The following ZNF277 variants were observed in gnomAD, a reference collection of about 807,000 sequenced individuals.
ZNF277 encodes nuclear receptor-interacting factor 4.
In ZNF277, 55 loss-of-function variants were observed where a neutral mutation model predicts 60.7. That is an observed-to-expected ratio of 0.91 (90% CI 0.73 to 1.13). The LOEUF (loss-of-function observed/expected upper bound fraction) is 1.13, where lower values mean the gene tolerates loss of function less well. Ranked by LOEUF, ZNF277 falls within the 50% of genes most tolerant of loss-of-function variation. The pLI is 0.00. For synonymous variants in ZNF277, 178 were observed against 179.3 expected (o/e 0.99, Z 0.06); for missense variants, 510 against 523.0 (o/e 0.98, Z 0.24).
In ZNF277 at chr7:112,340,951, T is replaced by C. The variant is rs574459797; in HGVS notation, c.1089T>C (p.His363=). The stretch of plus-strand genomic sequence containing the variant: ...ACCAATGCAGATGTTATGGCTGCCA[T>C]GTGAAGTTCAAATCCAAAGCAGACT... ...QVHQCRCYGC[H]VKFKSKADLR... The change falls in exon 11 of 12, where the codon CAT becomes CAC. Residue 363 remains histidine, a synonymous_variant. Coordinates refer to ENST00000361822, the MANE Select transcript of ZNF277 (RefSeq NM_021994.3). 307 of 1,613,110 alleles carry C rather than the reference T, an allele frequency of 1.9e-4. 2 individuals are homozygous for C. In the Middle Eastern group the frequency reaches 4.0e-3, roughly 21 times the overall value.
At chr7:112,271,272 C>G (rs1006202360) in intron 1 of ZNF277, among the ~76,000 whole-genome samples, 2 of 151,912 alleles carry the variant, frequency 1.3e-5, no homozygotes, top group African/African-American at 4.8e-5. Flanking sequence ...AATTTAATAC[C>G]GTATCCAAAA....
At chr7:112,320,950 C>G (rs1792967054) in intron 5 of ZNF277, among the ~76,000 whole-genome samples, 1 of 107,956 alleles carries the variant, frequency 9.3e-6, no homozygotes, top group African/African-American at 3.7e-5. Flanking sequence ...GAGATGGAGT[C>G]TCACTCTGTC....
Position 112,206,764 on chromosome 7 carries a change from C to T in ZNF277, c.48C>T (p.Asp16=), listed in dbSNP as rs1302956497. 3 of 1,612,950 alleles carry T rather than the reference C, an allele frequency of 1.9e-6. No homozygotes were observed. In the African/African-American group the frequency reaches 4.0e-5, roughly 22 times the overall value. Residue 16 remains aspartate, a synonymous_variant, in exon 1 of 12, where the codon GAC becomes GAT. Coordinates refer to ENST00000361822, the MANE Select transcript of ZNF277 (RefSeq NM_021994.3). ...GGGCTGTCGCCCGAATGCAGGAAGA[C>T]CGTGATGGGAGCTGCAGCACAGTCG... ...TQGAVARMQE[D]RDGSCSTVGG...
Position 112,339,863 on chromosome 7 carries a change from T to G in ZNF277, c.987T>G (p.Leu329=), listed in dbSNP as rs775356561. The G allele has an allele frequency of 1.2e-6, 2 of 1,611,752 alleles. No individual in the cohort carries two copies. Among genetic ancestry groups the G allele is most frequent in the East Asian group, 4.5e-5 (2 of 44,862 alleles). Residue 329 remains leucine (L), a synonymous_variant, in exon 10 of 12, where the codon CTT becomes CTG. Transcript: ENST00000361822. The part of the protein sequence containing the change: ...VHMEDAHEFD[L]LKIKSELGLN... Reference sequence around the variant, plus strand: ...TTTAGGATGCACACGAATTTGATCTTCTCAAAATAAAGTCAGAACTTGGTA... The same window carrying G: ...TTTAGGATGCACACGAATTTGATCTGCTCAAAATAAAGTCAGAACTTGGTA...
intron 1 of ZNF277, among the ~76,000 whole-genome samples, chr7:112,281,311 A>G (rs1247778685): frequency 6.6e-6 from 1 of 152,114 alleles, no homozygotes; most frequent in Non-Finnish European, 1.5e-5. Flanking sequence ...ATAAAACTCA[A>G]ATTTGGAAAC....
intron 1 of ZNF277, among the ~76,000 whole-genome samples, chr7:112,257,213 T>C (rs1397411045): frequency 1.3e-5 from 2 of 152,216 alleles, no homozygotes; most frequent in East Asian, 3.8e-4. Context: ...TTTGTTTCCA[T>C]AGTTATTCTT....
intron 1 of ZNF277, among the ~76,000 whole-genome samples, chr7:112,208,596 C>CTTTT (rs774920648): frequency 9.1e-6 from 1 of 109,516 alleles, no homozygotes; most frequent in Non-Finnish European, 2.0e-5. Flanking sequence ...TCTTCTTCTT[C>CTTTT]TTTTTTTTTT....
intron 4 of ZNF277, among the ~76,000 whole-genome samples, chr7:112,307,557 G>A (rs1403636999): frequency 6.6e-6 from 1 of 151,882 alleles, no homozygotes; most frequent in Non-Finnish European, 1.5e-5. Flanking sequence ...TGGGATTATA[G>A]GCGTGCACCA....
At position 112,265,672 on chromosome 7, in the gene ZNF277, A is replaced by G. The variant is rs540323777; in HGVS notation, c.92-21201A>G. ...ACAATAAAGTGAAGTATGCCTGTAT[A>G]TGAAGAAAAATCATCATAATGTTAA... On this transcript the variant is annotated intron_variant, in intron 1 of 11. Transcript: ENST00000361822. 3.3e-5 allele frequency among the ~76,000 whole-genome samples: 5 copies of G among 152,324 alleles called. No homozygotes were observed. The South Asian group carries it at 1.0e-3, about 32-fold the overall frequency.
intron 1 of ZNF277, among the ~76,000 whole-genome samples, chr7:112,266,182 G>C (rs73195225): frequency 0.047 from 7,132 of 151,580 alleles, 262 homozygotes; most frequent in South Asian, 0.13. Context: ...CACTCACTCT[G>C]TCACCCAGGC....
chr7:112,310,112 G>A lies in ZNF277; in HGVS notation c.466-8070G>A, dbSNP rs187239941. On this transcript the variant is annotated intron_variant, in intron 4 of 11. Coordinates refer to ENST00000361822, the MANE Select transcript of ZNF277 (RefSeq NM_021994.3). ...TAATTGATTAAGTCATTGGTCACAT[G>A]GTTGAGCTTGATCTCCAGCTCCCCT... Among the ~76,000 whole-genome samples the A allele has an allele frequency of 1.9e-3, 296 of 152,166 alleles. 5 individuals are homozygous for A. Among genetic ancestry groups the A allele is most frequent in the Non-Finnish European group, 1.8e-3 (119 of 67,980 alleles).
At chr7:112,276,804 C>T (rs1465559082) in intron 1 of ZNF277, among the ~76,000 whole-genome samples, 1 of 152,002 alleles carries the variant, frequency 6.6e-6, no homozygotes, top group African/African-American at 2.4e-5. Context: ...TTACATTTAC[C>T]AAGGGTATTT....
chr7:112,257,999 G>A (rs888257212), intron 1 of ZNF277, among the ~76,000 whole-genome samples: 4 of 151,932 alleles, frequency 2.6e-5, no homozygotes, highest in Non-Finnish European at 2.9e-5. Flanking sequence ...TCTTTGTAGA[G>A]ACAGGATCTT....
At chr7:112,320,227 C>G (rs1488983393) in intron 5 of ZNF277, among the ~76,000 whole-genome samples, 1 of 152,128 alleles carries the variant, frequency 6.6e-6, no homozygotes, top group Non-Finnish European at 1.5e-5. Context: ...TCTAGTCTAA[C>G]TTATCTGCAT....
chr7:112,300,640 C>T (rs10251712), intron 4 of ZNF277, among the ~76,000 whole-genome samples: 6,828 of 152,222 alleles, frequency 0.045, 361 homozygotes, highest in African/African-American at 0.13. Context: ...TAGCTTTCAT[C>T]CTGGTTCACT....
chr7:112,215,166 A>T lies in ZNF277; in HGVS notation c.91+8359A>T, dbSNP rs573634148. Among the ~76,000 whole-genome samples the T allele has an allele frequency of 5.3e-5, 8 of 152,340 alleles. 1 individual carries two copies. In the East Asian group the frequency reaches 1.3e-3, roughly 26 times the overall value. ...AAAGGAGCTGTCAGCTAAAAGCTGT[A>T]TGACCTTCAGCAAGTAATAGGACCT... On this transcript the variant is annotated intron_variant, in intron 1 of 11. Transcript: ENST00000361822.
At chr7:112,214,989 G>A (rs2116951792) in intron 1 of ZNF277, among the ~76,000 whole-genome samples, 1 of 152,236 alleles carries the variant, frequency 6.6e-6, no homozygotes, top group South Asian at 2.1e-4. Context: ...ATATTATTGG[G>A]AGGTGTGGTG....
At chr7:112,293,328 G>A (rs1378542400) in intron 2 of ZNF277, among the ~76,000 whole-genome samples, 1 of 152,074 alleles carries the variant, frequency 6.6e-6, no homozygotes, top group Admixed American at 6.5e-5. Context: ...TGTAATCCCA[G>A]CACTTTGGGA....
At chr7:112,224,583 G>C (rs1453062061) in intron 1 of ZNF277, among the ~76,000 whole-genome samples, 4 of 152,204 alleles carry the variant, frequency 2.6e-5, no homozygotes. Context: ...AGGGTAATCA[G>C]ATATCACCTG....
Sources: gnomAD v4.1 joint callset for allele counts (sites outside exome capture counted in the v4.1 genomes callset) on GRCh38, gnomAD v4.1.1 for gene constraint, MANE v1.5 for transcripts, NCBI Gene and HGNC (gene_info 2026-07-23, HGNC 2026-07-21) for gene names.